TXNDC9: variants seen among roughly 807,000 people sequenced by gnomAD.
TXNDC9 encodes thioredoxin domain-containing protein 9.
Under a neutral mutation model 23.0 loss-of-function variants are expected in TXNDC9, and 7 were observed. That is an observed-to-expected ratio of 0.30 (90% confidence interval 0.17 to 0.57). The LOEUF is 0.57. Ranked by LOEUF, TXNDC9 falls within the 20% of genes least tolerant of loss-of-function variation. TXNDC9 has a pLI of 0.90. For missense variants in TXNDC9, 198 were observed against 252.6 expected, an observed-to-expected ratio of 0.78 and a Z score of 1.47; for synonymous variants, 72 against 90.6, an observed-to-expected ratio of 0.79 and a Z score of 1.17.
At chr2:99,314,408 A>G (rs1192846726), downstream of TXNDC9, among the ~76,000 whole-genome samples, 1 of 152,170 alleles carries the variant, frequency 6.6e-6, no homozygotes, top group Non-Finnish European at 1.5e-5. Flanking sequence ...ATTATTGTCT[A>G]ATCAATACAG....
chr2:99,326,791 C>T (rs532769949), intron 3 of TXNDC9, among the ~76,000 whole-genome samples: 1 of 152,316 alleles, frequency 6.6e-6, no homozygotes, highest in African/African-American at 2.4e-5. Flanking sequence ...CTCCCCACCA[C>T]AGTTGCTAGT....
intron 3 of TXNDC9, among the ~76,000 whole-genome samples, chr2:99,325,216 A>G (rs2094210524): frequency 6.6e-6 from 1 of 152,234 alleles, no homozygotes; most frequent in Non-Finnish European, 1.5e-5. Flanking sequence ...TAAACACTGC[A>G]TGCCTGTGTT....
At chr2:99,309,108 G>A in the TXNDC9 span, among the ~76,000 whole-genome samples, 62 of 152,184 alleles carry the variant, frequency 4.1e-4, no homozygotes, top group East Asian at 0.01. Flanking sequence ...AATAGGCCTG[G>A]TGCTGGTGGT....
intron 2 of TXNDC9, 58 bp from the exon 3 acceptor site, chr2:99,327,711 G>C (rs1441549264): frequency 3.7e-5 from 38 of 1,014,016 alleles, no homozygotes; most frequent in South Asian, 2.7e-4. Context: ...AGAACCACTT[G>C]ACATTTTAAG....
At chr2:99,307,017 T>TCCCTCCCTC in the TXNDC9 span, among the ~76,000 whole-genome samples, 9 of 116,602 alleles carry the variant, frequency 7.7e-5, no homozygotes, top group East Asian at 2.2e-3. Flanking sequence ...CTCCCTCCCT[T>TCCCTCCCTC]CCTTCCTTCC....
chr2:99,335,919 G>A (rs2094238497), intron 1 of TXNDC9, among the ~76,000 whole-genome samples: 1 of 152,216 alleles, frequency 6.6e-6, no homozygotes, highest in African/African-American at 2.4e-5. Context: ...GACACAGCGC[G>A]TCCTCAAATT....
chr2:99,316,109 TTC>T (rs923403429), downstream of TXNDC9, among the ~76,000 whole-genome samples: 1 of 73,450 alleles, frequency 1.4e-5, no homozygotes, highest in Non-Finnish European at 3.0e-5. Flanking sequence ...AGCTTTGCAT[TTC>T]TTTTTCTTTT....
the TXNDC9 span, among the ~76,000 whole-genome samples, chr2:99,306,331 G>C: frequency 6.6e-6 from 1 of 152,204 alleles, no homozygotes; most frequent in South Asian, 2.1e-4. Context: ...TCTTGAAAAA[G>C]TGAGGATCCA....
downstream of TXNDC9, among the ~76,000 whole-genome samples, chr2:99,314,065 T>A (rs960444446): frequency 6.6e-6 from 1 of 152,196 alleles, no homozygotes; most frequent in Non-Finnish European, 1.5e-5. Flanking sequence ...AAGTTTTTGG[T>A]TTTTGGTAAT....
downstream of TXNDC9, among the ~76,000 whole-genome samples, chr2:99,315,764 T>C (rs1242673260): frequency 6.6e-6 from 1 of 152,230 alleles, no homozygotes; most frequent in Non-Finnish European, 1.5e-5. Context: ...CCCATTTGAA[T>C]TGTCTTGGAA....
intron 2 of TXNDC9, among the ~76,000 whole-genome samples, chr2:99,330,336 ATTAT>A (rs1276045346): frequency 1.5e-5 from 2 of 132,850 alleles, no homozygotes; most frequent in African/African-American, 5.6e-5. Context: ...ATTTCTTTTC[ATTAT>A]TTATTCTCAG....
intron 3 of TXNDC9, 156 bp from the exon 4 acceptor site, chr2:99,322,365 G>A: frequency 8.0e-7 from 1 of 1,252,844 alleles, no homozygotes; most frequent in Middle Eastern, 2.7e-4. Context: ...CTCACTTCCA[G>A]ATCAGAGGTT....
intron 4 of TXNDC9, chr2:99,321,100 T>C (rs1472754986): frequency 2.0e-5 from 3 of 151,848 alleles, no homozygotes; most frequent in Non-Finnish European, 2.9e-5. Context: ...ATTTAATAAA[T>C]ATTAATATTT....
At chr2:99,317,817 C>T (rs1439390392), downstream of TXNDC9, among the ~76,000 whole-genome samples, 4 of 151,998 alleles carry the variant, frequency 2.6e-5, no homozygotes, top group Admixed American at 2.0e-4. Flanking sequence ...CACAAGTCGC[C>T]GCAGTTTAAT....
chr2:99,334,242 T>C (rs1027018436), intron 1 of TXNDC9, among the ~76,000 whole-genome samples: 5 of 151,922 alleles, frequency 3.3e-5, no homozygotes, highest in Non-Finnish European at 7.4e-5. Context: ...TCCCCGCTAC[T>C]AGGGAGGCTG....
At chr2:99,321,132 A>C (rs1165947182) in intron 4 of TXNDC9, 1 of 152,122 alleles carries the variant, frequency 6.6e-6, no homozygotes, top group African/African-American at 2.4e-5. Flanking sequence ...TAAGGAAATG[A>C]AACCAATTTC....
At chr2:99,306,432 C>G in the TXNDC9 span, among the ~76,000 whole-genome samples, 23 of 152,236 alleles carry the variant, frequency 1.5e-4, no homozygotes, top group Non-Finnish European at 3.4e-4. Context: ...AGATAAAAAG[C>G]AAACAGCCTG....
At chr2:99,323,766 G>A (rs767043268) in intron 3 of TXNDC9, among the ~76,000 whole-genome samples, 3 of 152,112 alleles carry the variant, frequency 2.0e-5, no homozygotes, top group Non-Finnish European at 4.4e-5. Context: ...GCCAATTCAC[G>A]AGTGTTTCTA....
At chr2:99,323,539 C>T (rs2094207125) in intron 3 of TXNDC9, among the ~76,000 whole-genome samples, 1 of 152,130 alleles carries the variant, frequency 6.6e-6, no homozygotes, top group Non-Finnish European at 1.5e-5. Context: ...AGTTCAAGAC[C>T]AGCCTGGTCA....
Sources: gnomAD v4.1 joint callset for allele counts (sites outside exome capture counted in the v4.1 genomes callset) on GRCh38, gnomAD v4.1.1 for gene constraint, MANE v1.5 for transcripts, NCBI Gene and HGNC (gene_info 2026-07-23, HGNC 2026-07-21) for gene names.